The following TMEM63C variants were observed in gnomAD, a reference collection of about 807,000 sequenced individuals.
The protein encoded by TMEM63C is transmembrane protein 63C.
In TMEM63C, 32 loss-of-function variants were observed where a neutral mutation model predicts 99.2. The observed-to-expected ratio is 0.32, with a 90% CI of 0.24 to 0.43. The LOEUF is 0.43. Among genes scored for constraint, TMEM63C ranks in the 20% least tolerant of loss-of-function variants. The pLI is 1.00. For missense variants in TMEM63C, 826 were observed against 1,053.0 expected, an observed-to-expected ratio of 0.78 and a Z score of 2.98; for synonymous variants, 376 against 397.9, an observed-to-expected ratio of 0.94 and a Z score of 0.66.
At chr14:77,213,674 C>G (rs1888529344) in intron 2 of TMEM63C, 166 bp downstream of exon 2, 1 of 152,262 alleles carries the variant, frequency 6.6e-6, no homozygotes, top group African/African-American at 2.4e-5. Context: ...GCTCCTTCCT[C>G]CAAGAGACCC....
At position 77,184,113 on chromosome 14, in the gene TMEM63C, G is replaced by T. The variant is rs910957760; in HGVS notation, c.-77+2219G>T. On this transcript the variant is annotated intron_variant, in intron 1 of 23. Coordinates refer to ENST00000298351, the MANE Select transcript of TMEM63C (RefSeq NM_020431.4). ...GTCAAGTGTTTATTACAAATGGGAA[G>T]TATTATTCCTGGAGTCTCTGGTCTA... Among the ~76,000 whole-genome samples, 17 of 152,260 alleles carry T rather than the reference G, an allele frequency of 1.1e-4. 1 individual carries two copies. The Middle Eastern group carries it at 0.01, about 91-fold the overall frequency.
chr14:77,199,385 G>A (rs1375514257), intron 1 of TMEM63C, among the ~76,000 whole-genome samples: 2 of 152,134 alleles, frequency 1.3e-5, no homozygotes, highest in African/African-American at 4.8e-5. Context: ...TCATTCAGCC[G>A]AGATTCAGGG....
chr14:77,206,243 G>A (rs371050261), intron 1 of TMEM63C, among the ~76,000 whole-genome samples: 42 of 150,930 alleles, frequency 2.8e-4, no homozygotes, highest in African/African-American at 8.0e-4. Context: ...GGTGGGAGGG[G>A]CAGGGCAGGG....
chr14:77,212,662 T>C (rs1888512209), intron 1 of TMEM63C, among the ~76,000 whole-genome samples: 2 of 152,212 alleles, frequency 1.3e-5, no homozygotes, highest in African/African-American at 4.8e-5. Context: ...TAGGTTTCCA[T>C]GGCAACAGCC....
At chr14:77,250,691 GT>G (rs1288463213) in intron 21 of TMEM63C, among the ~76,000 whole-genome samples, 1 of 151,976 alleles carries the variant, frequency 6.6e-6, no homozygotes, top group Non-Finnish European at 1.5e-5. Flanking sequence ...CCGAGGCAGT[GT>G]TTTCTTTTCT....
At chr14:77,223,496 C>T (rs1888761689) in intron 5 of TMEM63C, among the ~76,000 whole-genome samples, 1 of 152,172 alleles carries the variant, frequency 6.6e-6, no homozygotes, top group Non-Finnish European at 1.5e-5. Flanking sequence ...AGTGAACTGA[C>T]AGCTGTCACT....
At chr14:77,249,579 C>A in intron 21 of TMEM63C, 121 bp downstream of exon 21, 1 of 1,108,216 alleles carries the variant, frequency 9.0e-7, no homozygotes, top group South Asian at 1.5e-5. Flanking sequence ...CTCACCAGAC[C>A]TGGCCACACC....
intron 6 of TMEM63C, among the ~76,000 whole-genome samples, chr14:77,226,011 G>A (rs441860): frequency 2.6e-5 from 4 of 152,024 alleles, no homozygotes; most frequent in African/African-American, 9.6e-5. Flanking sequence ...CTCAAGTTAC[G>A]TGTTTTCTCC....
intron 1 of TMEM63C, among the ~76,000 whole-genome samples, chr14:77,191,378 G>A (rs748007735): frequency 6.6e-6 from 1 of 152,138 alleles, no homozygotes; most frequent in African/African-American, 2.4e-5. Context: ...AGCCTAAGGT[G>A]TGAGCTATCC....
intron 2 of TMEM63C, among the ~76,000 whole-genome samples, chr14:77,215,385 G>A (rs1888561367): frequency 6.6e-6 from 1 of 151,894 alleles, no homozygotes; most frequent in Non-Finnish European, 1.5e-5. Context: ...TGGGTCACCT[G>A]AGGTCAGGAG....
intron 21 of TMEM63C, 98 bp from the exon 22 acceptor site, chr14:77,251,691 C>A: frequency 1.1e-6 from 1 of 919,684 alleles, no homozygotes; most frequent in Admixed American, 1.8e-5. Context: ...AAGGTCAAAG[C>A]CCTTGCAGTG....
intron 1 of TMEM63C, among the ~76,000 whole-genome samples, chr14:77,202,825 G>GCGCA (rs1280650069): frequency 2.8e-5 from 4 of 141,008 alleles, no homozygotes; most frequent in African/African-American, 1.0e-4. Context: ...ACAGGCAGGC[G>GCGCA]CACACACACA....
intron 5 of TMEM63C, among the ~76,000 whole-genome samples, chr14:77,223,468 G>A (rs562632033): frequency 9.2e-5 from 14 of 152,230 alleles, no homozygotes; most frequent in Admixed American, 2.6e-4. Flanking sequence ...CCCAGGTGGC[G>A]GGGGCTCAGA....
intron 1 of TMEM63C, among the ~76,000 whole-genome samples, chr14:77,184,534 G>A (rs1018012186): frequency 2.6e-5 from 4 of 152,164 alleles, no homozygotes; most frequent in African/African-American, 9.7e-5. Context: ...TGCACAGAGC[G>A]TCCAGTTTGC....
At chr14:77,184,961 G>A (rs1313321737) in intron 1 of TMEM63C, among the ~76,000 whole-genome samples, 2 of 152,216 alleles carry the variant, frequency 1.3e-5, no homozygotes, top group African/African-American at 4.8e-5. Context: ...TTCTAGGGCA[G>A]GATATGTACT....
Position 77,218,881 on chromosome 14 carries a change from T to G in TMEM63C, c.68T>G (p.Phe23Cys), listed in dbSNP as rs757899942. ...CAGAACATGACAGTGGATGAATGCTTCCAGTCTCGGAACACCGTCCTCCAG... is the reference window on the plus strand; with the variant it reads ...CAGAACATGACAGTGGATGAATGCTGCCAGTCTCGGAACACCGTCCTCCAG... ...RLQNMTVDEC[F>C]QSRNTVLQGQ... The change falls in exon 3 of 24, where the codon TTC becomes TGC. Residue 23 changes from phenylalanine (F) to cysteine (C), a missense_variant. Coordinates refer to ENST00000298351, the MANE Select transcript of TMEM63C (RefSeq NM_020431.4). The G allele has an allele frequency of 6.2e-7, 1 of 1,613,402 alleles. No individual in the cohort carries two copies. Among genetic ancestry groups the G allele is most frequent in the African/African-American group, 1.3e-5 (1 of 74,942 alleles).
chr14:77,185,180 G>C (rs1443467338), intron 1 of TMEM63C, among the ~76,000 whole-genome samples: 1 of 152,174 alleles, frequency 6.6e-6, no homozygotes, highest in Non-Finnish European at 1.5e-5. Flanking sequence ...GCTTTTCCCA[G>C]CCTTTCACTC....
intron 2 of TMEM63C, among the ~76,000 whole-genome samples, chr14:77,215,614 A>AAAAAGAAAAG (rs59134916): frequency 0.091 from 6,919 of 76,378 alleles, 938 homozygotes; most frequent in African/African-American, 0.2. Context: ...AAAAAAAAAA[A>AAAAAGAAAAG]AAAAGAAAAG....
At chr14:77,231,467 TAAAAA>T in intron 6 of TMEM63C, 116 bp from the exon 7 acceptor site, 1 of 963,162 alleles carries the variant, frequency 1.0e-6, no homozygotes, top group Non-Finnish European at 1.5e-6. Flanking sequence ...ATAGAGATAG[TAAAAA>T]AAAAAAAAAA....
Sources: gnomAD v4.1 joint callset for allele counts (sites outside exome capture counted in the v4.1 genomes callset) on GRCh38, gnomAD v4.1.1 for gene constraint, MANE v1.5 for transcripts, NCBI Gene and HGNC (gene_info 2026-07-23, HGNC 2026-07-21) for gene names.